MELK: variants seen among roughly 807,000 people sequenced by gnomAD.
MELK encodes the protein pEg3 kinase.
MELK carries 81 observed loss-of-function variants against 85.0 expected under a neutral mutation model. The ratio of observed to expected loss-of-function variants is 0.95; its 90% CI spans 0.80 to 1.15. MELK has a LOEUF of 1.15. Among genes scored for constraint, MELK ranks in the 50% most tolerant of loss-of-function variants. MELK has a pLI of 0.00. For missense variants in MELK, 754 were observed against 777.5 expected (o/e 0.97, Z 0.36); for synonymous variants, 252 against 265.0 (o/e 0.95, Z 0.48).
chr9:36,610,506 A>G (rs765321306), intron 8 of MELK, among the ~76,000 whole-genome samples: 1 of 152,250 alleles, frequency 6.6e-6, no homozygotes, highest in Non-Finnish European at 1.5e-5. Flanking sequence ...ATGTGTGTCC[A>G]GGCTTCTCCT....
chr9:36,594,264 C>T (rs1237667008), intron 4 of MELK, among the ~76,000 whole-genome samples: 4 of 152,120 alleles, frequency 2.6e-5, no homozygotes, highest in African/African-American at 9.7e-5. Flanking sequence ...ATAATTACTG[C>T]TGGCTTTTTA....
At chr9:36,636,734 TTC>T (rs1491506958) in intron 10 of MELK, among the ~76,000 whole-genome samples, 6 of 56,786 alleles carry the variant, frequency 1.1e-4, no homozygotes, top group Non-Finnish European at 2.2e-4. Context: ...CTGGATTTCT[TTC>T]TTTCTTTCTT....
intron 15 of MELK, 141 bp downstream of exon 15, chr9:36,669,547 C>A: frequency 1.7e-6 from 1 of 585,198 alleles, no homozygotes; most frequent in Non-Finnish European, 2.8e-6. Context: ...GTGTGGATGA[C>A]CTGTGGCCAT....
chr9:36,641,364 G>A lies in MELK; in HGVS notation c.835-1633G>A, dbSNP rs139672389. Among the ~76,000 whole-genome samples the A allele has an allele frequency of 1.6e-3, 237 of 152,210 alleles. 1 individual carries two copies. Among genetic ancestry groups the A allele is most frequent in the African/African-American group, 5.5e-3 (229 of 41,530 alleles). On this transcript the variant is annotated intron_variant, in intron 10 of 17. Coordinates refer to ENST00000298048, the MANE Select transcript of MELK (RefSeq NM_014791.4). Reference sequence around the variant, plus strand: ...GATGAAACTGAGACTCAGAGGTGTGGTCATGTTCAAGGCCGCATGGTTATT... The same window carrying A: ...GATGAAACTGAGACTCAGAGGTGTGATCATGTTCAAGGCCGCATGGTTATT...
intron 3 of MELK, among the ~76,000 whole-genome samples, chr9:36,585,647 T>C (rs1011087267): frequency 2.0e-5 from 3 of 152,054 alleles, no homozygotes; most frequent in Admixed American, 6.6e-5. Context: ...ACATAAAAAA[T>C]AATTTTTGGT....
chr9:36,677,351 C>G lies in MELK; in HGVS notation c.*14C>G. On this transcript the variant is annotated 3_prime_UTR_variant, in exon 18 of 18. Coordinates refer to ENST00000298048, the MANE Select transcript of MELK (RefSeq NM_014791.4). ...TGCAAGGTATAATTGATGGATTCTT[C>G]CATCCTGCCGGATGAGTGTGGGTGT... The G allele has an allele frequency of 6.2e-7, 1 of 1,603,804 alleles. No individual in the cohort carries two copies. Among genetic ancestry groups the G allele is most frequent in the Admixed American group, 1.7e-5 (1 of 58,968 alleles).
chr9:36,637,449 G>GT (rs1351470427), intron 10 of MELK, among the ~76,000 whole-genome samples: 1 of 152,188 alleles, frequency 6.6e-6, no homozygotes, highest in African/African-American at 2.4e-5. Flanking sequence ...CATTCAGCCT[G>GT]TTTTGATAAC....
chr9:36,605,628 G>GAGTAATCA (rs1422274637), intron 7 of MELK, among the ~76,000 whole-genome samples: 1 of 151,944 alleles, frequency 6.6e-6, no homozygotes, highest in Non-Finnish European at 1.5e-5. Flanking sequence ...CAACTTGGAA[G>GAGTAATCA]AGTAATCAAG....
chr9:36,676,416 A>AT (rs1833351353), intron 17 of MELK, among the ~76,000 whole-genome samples: 1 of 152,214 alleles, frequency 6.6e-6, no homozygotes, highest in Non-Finnish European at 1.5e-5. Flanking sequence ...ATGTAAACTA[A>AT]TTAAATATTA....
rs10598117 is a variant in MELK, at chr9:36,604,268, CTTTTTTTTTTTT to C, written c.568-3291_568-3280del. ...ATGGGTGTAAGCCACCGCGCCCGGG[CTTTTTTTTTTTT>C]TTTTTTTTTTTTTTTGAGACAAAGT... On this transcript the variant is annotated intron_variant, in intron 7 of 17. Coordinates refer to ENST00000298048, the MANE Select transcript of MELK (RefSeq NM_014791.4). Among the ~76,000 whole-genome samples the C allele has an allele frequency of 1.2e-4, 4 of 33,780 alleles. No homozygotes were observed. In the East Asian group the frequency reaches 3.0e-3, roughly 25 times the overall value. 22.2% of individuals were successfully genotyped at this position (33,780 alleles called of 152,430 possible). A position where few individuals can be genotyped will look rare whatever the true frequency, so the allele number is the denominator to read the frequency against.
chr9:36,659,307 T>G (rs1242649547), intron 13 of MELK, among the ~76,000 whole-genome samples: 3 of 152,140 alleles, frequency 2.0e-5, no homozygotes, highest in Non-Finnish European at 4.4e-5. Flanking sequence ...TGAGCCACCG[T>G]GCCCGGCCAT....
At chr9:36,598,548 T>C (rs1824553902) in intron 6 of MELK, among the ~76,000 whole-genome samples, 1 of 152,154 alleles carries the variant, frequency 6.6e-6, no homozygotes, top group Non-Finnish European at 1.5e-5. Flanking sequence ...CAGAGGAGGA[T>C]GAGCAGATTA....
intron 14 of MELK, among the ~76,000 whole-genome samples, chr9:36,668,420 C>G (rs1280390425): frequency 6.6e-6 from 1 of 152,072 alleles, no homozygotes; most frequent in Non-Finnish European, 1.5e-5. Context: ...TTCGTTAGTA[C>G]AAATTTGTCA....
At position 36,593,651 on chromosome 9, in the gene MELK, G is replaced by T. The variant is rs73436974; in HGVS notation, c.262-977G>T. ...TACAAACACTGCTGCTGCAGTAAAT[G>T]ATCTTTAAGGTACGTTTTTTGTTGT... On this transcript the variant is annotated intron_variant, in intron 4 of 17. Coordinates refer to ENST00000298048, the MANE Select transcript of MELK (RefSeq NM_014791.4). 6.9e-3 allele frequency among the ~76,000 whole-genome samples: 1,047 copies of T among 152,284 alleles called. 15 individuals are homozygous for T. Among genetic ancestry groups the T allele is most frequent in the African/African-American group, 0.024 (1,014 of 41,566 alleles).
At chr9:36,607,920 GC>G (rs1395756410) in intron 8 of MELK, among the ~76,000 whole-genome samples, 1 of 152,084 alleles carries the variant, frequency 6.6e-6, no homozygotes, top group East Asian at 1.9e-4. Flanking sequence ...GGTCTTAGTT[GC>G]CCATGGTCAA....
chr9:36,609,348 A>G (rs931741149), intron 8 of MELK, among the ~76,000 whole-genome samples: 25 of 152,308 alleles, frequency 1.6e-4, no homozygotes, highest in African/African-American at 5.8e-4. Context: ...TAACAAAAGA[A>G]GACATGTAAA....
At chr9:36,657,154 C>G in intron 12 of MELK, 87 bp from the exon 13 acceptor site, 2 of 1,397,330 alleles carry the variant, frequency 1.4e-6, no homozygotes, top group Non-Finnish European at 1.9e-6. Flanking sequence ...CAGAATGTGT[C>G]TCTGTCGTTA....
rs1391272623 is a variant in MELK at position 36,630,320 on chromosome 9, A to T, written c.688A>T (p.Lys230Ter). ...KIMRGKYDVP[K>*]WLSPSSILLL... ...GTAGAGAGGAAAATATGATGTTCCC[A>T]AGTGGCTCTCTCCCAGTAGCATTCT... is the stretch of plus-strand genomic sequence containing the variant. Residue 230 changes from lysine to a stop codon, truncating the protein, a stop_gained, in exon 9 of 18, where the codon AAG becomes TAG. Coordinates refer to ENST00000298048, the MANE Select transcript of MELK (RefSeq NM_014791.4). LOFTEE classifies it high-confidence loss of function. 1 of 1,612,562 alleles carries T rather than the reference A, an allele frequency of 6.2e-7. No individual in the cohort carries two copies. Among genetic ancestry groups the T allele is most frequent in the Non-Finnish European group, 8.5e-7 (1 of 1,179,150 alleles).
At chr9:36,600,418 C>G (rs1824795923) in intron 7 of MELK, among the ~76,000 whole-genome samples, 2 of 152,230 alleles carry the variant, frequency 1.3e-5, no homozygotes, top group Middle Eastern at 3.4e-3. Context: ...GAGTCTCACT[C>G]TGTTGCCCAG....
Sources: allele counts gnomAD v4.1 joint callset (sites outside exome capture counted in the v4.1 genomes callset), GRCh38; gene constraint gnomAD v4.1.1; transcripts MANE v1.5; gene names NCBI Gene and HGNC (gene_info 2026-07-23, HGNC 2026-07-21).